Variants in NAIP observed in about 807,000 individuals in gnomAD.
NAIP encodes the protein baculoviral IAP repeat-containing protein 1.
Under a neutral mutation model 23.0 loss-of-function variants are expected in NAIP, and 15 were observed. The observed-to-expected ratio is 0.65, with a 90% confidence interval of 0.44 to 1.00. The LOEUF is 1.00. Among genes scored for constraint, NAIP ranks in the 50% least tolerant of loss-of-function variants. The pLI is 0.00. For synonymous variants in NAIP, 100 were observed against 100.2 expected (o/e 1.00, Z 0.01); for missense variants, 265 against 278.8 (o/e 0.95, Z 0.35).
intron 5 of NAIP, among the ~76,000 whole-genome samples, chr5:71,009,819 A>C (rs1357530988): frequency 6.6e-6 from 1 of 151,720 alleles, no homozygotes; most frequent in Non-Finnish European, 1.5e-5. Flanking sequence ...TTACACAGTG[A>C]AAGTTTAAAA....
At chr5:71,008,063 C>CTTT (rs4065245) in intron 5 of NAIP, among the ~76,000 whole-genome samples, 64 of 67,266 alleles carry the variant, frequency 9.5e-4, no homozygotes, top group African/African-American at 1.2e-3. Context: ...TGTGCCCAGC[C>CTTT]TTTTTTTTTT....
At chr5:71,008,396 T>C (rs1750975150) in intron 5 of NAIP, among the ~76,000 whole-genome samples, 2 of 101,352 alleles carry the variant, frequency 2.0e-5, no homozygotes. Flanking sequence ...GGCATGGCTG[T>C]CCATGTGCAA....
At position 71,012,937 on chromosome 5, in the gene NAIP, C is replaced by T. The variant is rs1751235860; in HGVS notation, c.-3-19G>A. 2 of 1,542,100 alleles carry T rather than the reference C, an allele frequency of 1.3e-6. No individual in the cohort carries two copies. The highest frequency in any genetic ancestry group is 1.7e-6 in the Non-Finnish European group (2 of 1,143,774). On this transcript the variant is annotated intron_variant, in intron 3 of 16. Transcript: ENST00000517649. Reference sequence around the variant, plus strand: ...CCATTTTCTGAAAAGGAAAATAAAGCAGGTTGATCCCTTATAGTAAGATTT... The same window carrying T: ...CCATTTTCTGAAAAGGAAAATAAAGTAGGTTGATCCCTTATAGTAAGATTT...
intron 13 of NAIP, among the ~76,000 whole-genome samples, chr5:70,978,111 A>ACACG (rs1554083415): frequency 5.7e-4 from 4 of 7,042 alleles, no homozygotes; most frequent in African/African-American, 1.2e-3. Context: ...ATATGTATGC[A>ACACG]CACACACACA....
In NAIP at chr5:71,011,314, CCTT is replaced by C. The variant is rs1561516833; in HGVS notation, c.626_628del (p.Glu209del). 3.1e-6 allele frequency: 5 copies of C among 1,607,304 alleles called. No homozygotes were observed. Among genetic ancestry groups the C allele is most frequent in the Non-Finnish European group, 4.3e-6 (5 of 1,176,054 alleles). The stretch of plus-strand genomic sequence containing the variant: ...GGCATGTTCCTTCCAAGGATCATCT[CCTT>C]CTTCCCAATTTCCTAAACATCCACC... On this transcript the variant is annotated inframe_deletion, in exon 5 of 17. Coordinates refer to ENST00000517649, the MANE Select transcript of NAIP (RefSeq NM_004536.3).
chr5:70,978,111 A>G (rs1404209448), intron 13 of NAIP, among the ~76,000 whole-genome samples: 2 of 7,048 alleles, frequency 2.8e-4, no homozygotes, highest in Non-Finnish European at 4.3e-4. Flanking sequence ...ATATGTATGC[A>G]CACACACACA....
chr5:71,008,261 G>T (rs1381040782), intron 5 of NAIP, among the ~76,000 whole-genome samples: 1 of 142,380 alleles, frequency 7.0e-6, no homozygotes, highest in Non-Finnish European at 1.5e-5. Flanking sequence ...ATAGAGACAG[G>T]GTTTTACCAT....
intron 4 of NAIP, chr5:71,011,808 G>T (rs1160060709): frequency 7.0e-6 from 3 of 429,620 alleles, no homozygotes; most frequent in Admixed American, 2.7e-5. Context: ...GAGAGAAAGG[G>T]GTAAATTCAT....
chr5:71,011,148 A>C, intron 5 of NAIP, 127 bp downstream of exon 5: 1 of 670,174 alleles, frequency 1.5e-6, no homozygotes, highest in Non-Finnish European at 2.5e-6. Context: ...CAGGAGAATC[A>C]CCTGAACCAG....
chr5:71,013,534 G>GA (rs1414727994), intron 3 of NAIP, among the ~76,000 whole-genome samples: 5 of 150,616 alleles, frequency 3.3e-5, no homozygotes, highest in African/African-American at 1.2e-4. Context: ...CAGCTACTCG[G>GA]GAGGCTGAGG....
At position 71,025,268 on chromosome 5, in the gene NAIP, T is replaced by A. The variant is rs1554085575; in HGVS notation, c.-872A>T. Among the ~76,000 whole-genome samples the A allele has an allele frequency of 4.1e-5, 2 of 49,036 alleles. 1 individual carries two copies. The highest frequency in any genetic ancestry group is 1.5e-4 in the African/African-American group (2 of 13,364). The allele number at this position is 49,036 out of a possible 152,430, so 32.2% of individuals were successfully genotyped here. A position where few individuals can be genotyped will look rare whatever the true frequency, so the allele number is the denominator to read the frequency against. ...TGCTATATCATCTCCATATTACAGA[T>A]AAGGAAACTCAAGCACATAGGGGTT... On this transcript the variant is annotated 5_prime_UTR_variant, in exon 1 of 17. Transcript: ENST00000517649.
At chr5:71,013,411 G>T (rs1373168903) in intron 3 of NAIP, among the ~76,000 whole-genome samples, 2 of 151,070 alleles carry the variant, frequency 1.3e-5, no homozygotes, top group Non-Finnish European at 3.0e-5. Flanking sequence ...GGCCGAGGCA[G>T]GTGGATCACG....
intron 5 of NAIP, among the ~76,000 whole-genome samples, chr5:71,009,583 C>T (rs1399552073): frequency 4.7e-5 from 7 of 150,350 alleles, no homozygotes; most frequent in Admixed American, 1.3e-4. Context: ...CTCAGTTACT[C>T]GGAGGCTGAG....
intron 3 of NAIP, 98 bp from the exon 4 acceptor site, chr5:71,013,016 G>C: frequency 9.3e-7 from 1 of 1,078,604 alleles, no homozygotes; most frequent in South Asian, 1.7e-5. Context: ...TTAAAGGAAT[G>C]CCTGGAATTT....
At chr5:71,011,919 C>G in intron 4 of NAIP, 1 of 256,788 alleles carries the variant, frequency 3.9e-6, no homozygotes, top group Non-Finnish European at 7.6e-6. Flanking sequence ...TATATCATAA[C>G]CCCTATGGCG....
At chr5:71,011,218 G>T in intron 5 of NAIP, 57 bp downstream of exon 5, 1 of 1,369,902 alleles carries the variant, frequency 7.3e-7, no homozygotes, top group Non-Finnish European at 1.0e-6. Context: ...GGGTGGCAGA[G>T]CAAGACTGTC....
chr5:71,009,362 CAAAAAA>C (rs555440243), intron 5 of NAIP, among the ~76,000 whole-genome samples: 1 of 99,680 alleles, frequency 1.0e-5, no homozygotes, highest in Non-Finnish European at 1.9e-5. Flanking sequence ...AACTCACTCT[CAAAAAA>C]AAAAAAAAAA....
chr5:71,009,784 C>T lies in NAIP; in HGVS notation c.668+1491G>A, dbSNP rs528518630. Among the ~76,000 whole-genome samples the T allele has an allele frequency of 9.2e-5, 14 of 151,620 alleles. 1 individual carries two copies. The highest frequency in any genetic ancestry group is 1.5e-4 in the Non-Finnish European group (10 of 67,850). On this transcript the variant is annotated intron_variant, in intron 5 of 16. Coordinates refer to ENST00000517649, the MANE Select transcript of NAIP (RefSeq NM_004536.3). ...GCTATGTGTTGACAAGTATTTATTA[C>T]ACTATTCTATCTTTGTATGAAATTT...
At chr5:71,002,983 A>G in intron 6 of NAIP, 1 of 47,666 alleles carries the variant, frequency 2.1e-5, no homozygotes, top group African/African-American at 1.7e-4. Flanking sequence ...TATGCAGTGC[A>G]AGCAAACATA....
Sources: gnomAD v4.1 joint callset for allele counts (sites outside exome capture counted in the v4.1 genomes callset) on GRCh38, gnomAD v4.1.1 for gene constraint, MANE v1.5 for transcripts, NCBI Gene and HGNC (gene_info 2026-07-23, HGNC 2026-07-21) for gene names.